LHFPL3: variants seen among roughly 807,000 people sequenced by gnomAD.
The protein encoded by LHFPL3 is LHFPL tetraspan subfamily member 3.
Under a neutral mutation model 19.3 loss-of-function variants are expected in LHFPL3, and 5 were observed. That is an observed-to-expected ratio of 0.26 (90% confidence interval 0.14 to 0.54). The LOEUF is 0.54. Ranked by LOEUF, LHFPL3 falls within the 20% of genes least tolerant of loss-of-function variation. The pLI is 0.94. For synonymous variants in LHFPL3, 133 were observed against 126.2 expected, an observed-to-expected ratio of 1.05 and a Z score of -0.36; for missense variants, 249 against 307.4, an observed-to-expected ratio of 0.81 and a Z score of 1.42.
In LHFPL3 at chr7:104,538,898, T is replaced by TC. The variant is rs1227358529; in HGVS notation, c.446-197776dup. On this transcript the variant is annotated intron_variant, in intron 1 of 2. Transcript: ENST00000424859. ...GTGGGCTCAATCTATTATCATGGGT[T>TC]CTTAAAATCAGAGAACCTTTCCTGT... is the stretch of plus-strand genomic sequence containing the variant. Among the ~76,000 whole-genome samples, 226 of 152,300 alleles carry TC rather than the reference T, an allele frequency of 1.5e-3. 1 individual carries two copies. Among genetic ancestry groups the TC allele is most frequent in the Non-Finnish European group, 1.3e-4 (9 of 68,014 alleles).
At chr7:104,629,708 A>G (rs1791606492) in intron 1 of LHFPL3, among the ~76,000 whole-genome samples, 1 of 152,182 alleles carries the variant, frequency 6.6e-6, no homozygotes, top group Admixed American at 6.6e-5. Context: ...AAACTATTTA[A>G]GATTCTACTT....
chr7:104,397,112 A>C (rs1467022444), intron 1 of LHFPL3, among the ~76,000 whole-genome samples: 1 of 152,216 alleles, frequency 6.6e-6, no homozygotes, highest in Non-Finnish European at 1.5e-5. Context: ...AATAAAATCA[A>C]ATATAAAAAT....
At chr7:104,425,628 T>G (rs902979215) in intron 1 of LHFPL3, among the ~76,000 whole-genome samples, 5 of 152,254 alleles carry the variant, frequency 3.3e-5, no homozygotes, top group African/African-American at 1.2e-4. Context: ...ATATTTTCCT[T>G]GAATATTCAG....
intron 1 of LHFPL3, among the ~76,000 whole-genome samples, chr7:104,595,081 G>C (rs145794829): frequency 6.6e-6 from 1 of 152,186 alleles, no homozygotes; most frequent in African/African-American, 2.4e-5. Context: ...TTGTTCCGTT[G>C]CTGGCAAGGA....
At chr7:104,461,182 C>T (rs1187575877) in intron 1 of LHFPL3, among the ~76,000 whole-genome samples, 1 of 152,128 alleles carries the variant, frequency 6.6e-6, no homozygotes, top group Non-Finnish European at 1.5e-5. Flanking sequence ...AGAGTGGAGT[C>T]AAGGGGAAGC....
intron 2 of LHFPL3, among the ~76,000 whole-genome samples, chr7:104,900,563 G>A (rs533806288): frequency 4.6e-5 from 7 of 152,248 alleles, no homozygotes; most frequent in Admixed American, 1.3e-4. Context: ...TGTTGAAATC[G>A]GTATGTCAGA....
At chr7:104,861,781 G>A (rs1475832336) in intron 2 of LHFPL3, among the ~76,000 whole-genome samples, 5 of 150,554 alleles carry the variant, frequency 3.3e-5, no homozygotes, top group Admixed American at 1.3e-4. Flanking sequence ...GGGGAAGAGG[G>A]GAGAGATGCC....
At chr7:104,863,658 G>T (rs1475305938) in intron 2 of LHFPL3, among the ~76,000 whole-genome samples, 1 of 152,248 alleles carries the variant, frequency 6.6e-6, no homozygotes, top group South Asian at 2.1e-4. Context: ...CTAGAGGATA[G>T]AATTTGTTGT....
intron 2 of LHFPL3, among the ~76,000 whole-genome samples, chr7:104,825,077 G>A (rs1345553955): frequency 2.7e-5 from 4 of 150,650 alleles, no homozygotes; most frequent in East Asian, 3.9e-4. Context: ...AGTGACAGGG[G>A]AGTGGGGGAG....
intron 1 of LHFPL3, among the ~76,000 whole-genome samples, chr7:104,470,362 C>T (rs1050653215): frequency 6.6e-6 from 1 of 152,204 alleles, no homozygotes; most frequent in African/African-American, 2.4e-5. Flanking sequence ...AATAACTGCT[C>T]ATTCTTTGCA....
chr7:104,615,001 T>C (rs1182994784), intron 1 of LHFPL3, among the ~76,000 whole-genome samples: 2 of 152,042 alleles, frequency 1.3e-5, no homozygotes, highest in East Asian at 1.9e-4. Context: ...GCAATCCATA[T>C]GCTCTGGTCT....
intron 1 of LHFPL3, among the ~76,000 whole-genome samples, chr7:104,419,709 C>A (rs1791689610): frequency 6.6e-6 from 1 of 152,128 alleles, no homozygotes; most frequent in Non-Finnish European, 1.5e-5. Context: ...ACTTGGGATT[C>A]TTCTGAGTAG....
intron 1 of LHFPL3, among the ~76,000 whole-genome samples, chr7:104,456,075 G>GTT (rs1199782934): frequency 6.6e-6 from 1 of 152,090 alleles, no homozygotes; most frequent in Non-Finnish European, 1.5e-5. Flanking sequence ...TGAGTTGACT[G>GTT]TTTCGGCTCT....
chr7:104,887,994 G>A (rs1263578419), intron 2 of LHFPL3, among the ~76,000 whole-genome samples: 1 of 152,146 alleles, frequency 6.6e-6, no homozygotes, highest in Non-Finnish European at 1.5e-5. Flanking sequence ...ATACCTGACT[G>A]GAGAAAGCAG....
At chr7:104,621,581 T>TC (rs917635088) in intron 1 of LHFPL3, among the ~76,000 whole-genome samples, 2 of 152,176 alleles carry the variant, frequency 1.3e-5, no homozygotes, top group Non-Finnish European at 2.9e-5. Flanking sequence ...TGGACACCTT[T>TC]CCCTCCAGGG....
At chr7:104,503,767 G>T (rs1485503637) in intron 1 of LHFPL3, among the ~76,000 whole-genome samples, 4 of 152,006 alleles carry the variant, frequency 2.6e-5, no homozygotes, top group African/African-American at 9.7e-5. Context: ...ATGGGGTTTT[G>T]CCAGATTGCC....
intron 2 of LHFPL3, among the ~76,000 whole-genome samples, chr7:104,905,198 C>T (rs1232870307): frequency 1.3e-5 from 2 of 152,044 alleles, no homozygotes; most frequent in African/African-American, 4.8e-5. Flanking sequence ...TCAAAAGATC[C>T]TCCCGCCTCA....
intron 1 of LHFPL3, among the ~76,000 whole-genome samples, chr7:104,356,223 C>T (rs1001891468): frequency 6.6e-6 from 1 of 152,170 alleles, no homozygotes; most frequent in Non-Finnish European, 1.5e-5. Context: ...AACGCAGACT[C>T]CAGGCAAGAA....
intron 1 of LHFPL3, among the ~76,000 whole-genome samples, chr7:104,400,189 A>G (rs1469754383): frequency 7.3e-6 from 1 of 136,100 alleles, no homozygotes; most frequent in Non-Finnish European, 1.6e-5. Flanking sequence ...CATGTGTTTT[A>G]CAGGTTTATA....
Sources: gnomAD v4.1 joint callset for allele counts (sites outside exome capture counted in the v4.1 genomes callset) on GRCh38, gnomAD v4.1.1 for gene constraint, MANE v1.5 for transcripts, NCBI Gene and HGNC (gene_info 2026-07-23, HGNC 2026-07-21) for gene names.